The following AQP4 variants were observed in gnomAD, a reference collection of about 807,000 sequenced individuals.
AQP4 encodes aquaporin-4.
AQP4 carries 18 observed loss-of-function variants against 27.8 expected under a neutral mutation model. The ratio of observed to expected loss-of-function variants is 0.65; its 90% CI spans 0.45 to 0.96. The LOEUF is 0.96. AQP4 is among the 40% of genes least tolerant of loss of function. AQP4 has a pLI of 0.00. For missense variants in AQP4, 412 were observed against 408.2 expected (o/e 1.01, Z -0.08); for synonymous variants, 141 against 142.9 (o/e 0.99, Z 0.10).
intron 4 of AQP4, 119 bp downstream of exon 4, chr18:26,860,653 A>G: frequency 1.2e-6 from 1 of 862,602 alleles, no homozygotes; most frequent in Non-Finnish European, 2.0e-6. Flanking sequence ...TAATAAAGTG[A>G]GGGTCAAGGT....
Position 26,853,019 on chromosome 18 carries a change from A to T in AQP4, c.*3192T>A, listed in dbSNP as rs1346333735. ...CTGTCATTATCGAGTTTAAACCAAT[A>T]CATGTGTTGTCTGGTTTCATGGTCT... On this transcript the variant is annotated 3_prime_UTR_variant, in exon 5 of 5. Transcript: ENST00000383168. 2.5e-6 allele frequency: 1 copy of T among 397,050 alleles called. No homozygotes were observed. Among genetic ancestry groups the T allele is most frequent in the Non-Finnish European group, 4.4e-6 (1 of 225,350 alleles). The allele number at this position is 397,050 out of a possible 1,614,324, so 24.6% of individuals were successfully genotyped here. A position where few individuals can be genotyped will look rare whatever the true frequency, so the allele number is the denominator to read the frequency against.
At position 26,856,168 on chromosome 18, in the gene AQP4, A is replaced by T; in HGVS notation, c.*43T>A. The T allele has an allele frequency of 6.2e-7, 1 of 1,609,990 alleles. No homozygotes were observed. Among genetic ancestry groups the T allele is most frequent in the Non-Finnish European group, 8.5e-7 (1 of 1,176,358 alleles). ...TTAATGGGTGGAAGGAAATCTGAGG[A>T]CAGTTCTAAGGAGTCTTGTCTGCTT... On this transcript the variant is annotated 3_prime_UTR_variant, in exon 5 of 5. Transcript: ENST00000383168.
chr18:26,858,244 G>T (rs1287002489), intron 4 of AQP4, among the ~76,000 whole-genome samples: 2 of 152,036 alleles, frequency 1.3e-5, no homozygotes, highest in Admixed American at 1.3e-4. Flanking sequence ...CTCTACTCCA[G>T]CCTGGGCAAC....
At chr18:26,858,182 G>A (rs1159952070) in intron 4 of AQP4, among the ~76,000 whole-genome samples, 1 of 152,052 alleles carries the variant, frequency 6.6e-6, no homozygotes, top group African/African-American at 2.4e-5. Context: ...TGAGATAGGA[G>A]GATCACTTGA....
At chr18:26,860,950 C>T (rs2054931093) in intron 3 of AQP4, 98 bp from the exon 4 acceptor site, 1 of 1,401,564 alleles carries the variant, frequency 7.1e-7, no homozygotes, top group Non-Finnish European at 1.0e-6. Flanking sequence ...CTTAGAGGAA[C>T]CTCAAGATAT....
intron 1 of AQP4, chr18:26,862,996 TG>T (rs745810573): frequency 0.039 from 3,578 of 92,708 alleles, 204 homozygotes; most frequent in African/African-American, 0.08. Flanking sequence ...AAGGTGTGCG[TG>T]GGGGGGGGGG....
In AQP4 at chr18:26,862,493, G is replaced by A. The variant is rs768884671; in HGVS notation, c.136C>T (p.Leu46Phe). The A allele has an allele frequency of 8.1e-6, 13 of 1,614,178 alleles. No homozygotes were observed. Among genetic ancestry groups the A allele is most frequent in the Non-Finnish European group, 1.1e-5 (13 of 1,180,030 alleles). ...KAVTAEFLAM[L>F]IFVLLSLGST... The stretch of plus-strand genomic sequence containing the variant: ...CCCAGGCTGAGGAGAACAAAAATAA[G>A]CATGGCCAGAAATTCCGCTGTGACT... Residue 46 changes from leucine (L) to phenylalanine (F), a missense_variant, in exon 2 of 5, where the codon CTT becomes TTT. By Grantham distance (22) the Leu-to-Phe change is conservative (BLOSUM62 0). Coordinates refer to ENST00000383168, the MANE Select transcript of AQP4 (RefSeq NM_001650.7).
chr18:26,861,035 T>C (rs2054932163), intron 3 of AQP4, 96 bp downstream of exon 3: 1 of 1,492,660 alleles, frequency 6.7e-7, no homozygotes, highest in South Asian at 1.1e-5. Flanking sequence ...GGCTGGATAC[T>C]AAAGAGCTAC....
In AQP4 at chr18:26,855,969, G is replaced by T; in HGVS notation, c.*242C>A. The stretch of plus-strand genomic sequence containing the variant: ...TAATGAAAGGTAACTAGATAAAATA[G>T]GTATATATTTGCTTAAGAACATTTT... On this transcript the variant is annotated 3_prime_UTR_variant, in exon 5 of 5. Transcript: ENST00000383168. 1 of 512,196 alleles carries T rather than the reference G, an allele frequency of 2.0e-6. No homozygotes were observed. Among genetic ancestry groups the T allele is most frequent in the Non-Finnish European group, 3.5e-6 (1 of 289,242 alleles). 31.7% of individuals were successfully genotyped at this position (512,196 alleles called of 1,614,324 possible).
At chr18:26,865,305 A>G in intron 1 of AQP4, 1 of 403,052 alleles carries the variant, frequency 2.5e-6, no homozygotes, top group Middle Eastern at 7.8e-4. Context: ...AATCGGACAC[A>G]TTACTTTCTA....
intron 2 of AQP4, among the ~76,000 whole-genome samples, chr18:26,861,850 T>C (rs1267116794): frequency 6.6e-6 from 1 of 152,114 alleles, no homozygotes; most frequent in African/African-American, 2.4e-5. Context: ...AGTTTTTTTC[T>C]GCTAGTGAAC....
chr18:26,861,160 A>G lies in AQP4; in HGVS notation c.583T>C (p.Phe195Leu). The G allele has an allele frequency of 1.2e-6, 2 of 1,614,152 alleles. No individual in the cohort carries two copies. The highest frequency in any genetic ancestry group is 8.5e-7 in the Non-Finnish European group (1 of 1,179,986). Residue 195 changes from phenylalanine to leucine, a missense_variant, in exon 3 of 5, where the codon TTT becomes CTT. Phe to Leu is a conservative substitution (Grantham distance 22). Coordinates refer to ENST00000383168, the MANE Select transcript of AQP4 (RefSeq NM_001650.7). ...VTGSIALAIGFSVAIGHLFAI... is the reference protein window; with the variant it reads ...VTGSIALAIGLSVAIGHLFAI... ...AATAAATGTCCAATTGCAACAGAAA[A>G]TCCAATTGCTAAAGCTATTGAGCCA...
chr18:26,862,995 G>GTT (rs1264961223), intron 1 of AQP4: 1 of 120,762 alleles, frequency 8.3e-6, no homozygotes. Context: ...CAAGGTGTGC[G>GTT]TGGGGGGGGG....
chr18:26,865,290 T>C, intron 1 of AQP4: 1 of 367,584 alleles, frequency 2.7e-6, no homozygotes, highest in South Asian at 2.5e-5. Context: ...TTTGTTGATG[T>C]ACTGAATCGG....
chr18:26,856,564 T>G lies in AQP4; in HGVS notation c.694-75A>C, dbSNP rs893912425. The G allele has an allele frequency of 2.0e-6, 3 of 1,529,156 alleles. No homozygotes were observed. The Admixed American group carries it at 5.2e-5, about 26-fold the overall frequency. 94.7% of individuals were successfully genotyped at this position (1,529,156 alleles called of 1,614,324 possible). On this transcript the variant is annotated intron_variant, in intron 4 of 4. Coordinates refer to ENST00000383168, the MANE Select transcript of AQP4 (RefSeq NM_001650.7). ...CATTGAGCAGCTCATGAATGTAGAA[T>G]CTAGCTGGGTTAAATTAAGAGTGTA... is the stretch of plus-strand genomic sequence containing the variant.
At position 26,862,549 on chromosome 18, in the gene AQP4, T is replaced by C. The variant is rs141793428; in HGVS notation, c.80A>G (p.Lys27Arg). ...CTRENIMVAF[K>R]GVWTQAFWKA... Reference sequence around the variant, plus strand: ...CCAGAAAGCTTGAGTCCAGACCCCTTTGAAAGCCACCATGATGTTCTCTCT... The same window carrying C: ...CCAGAAAGCTTGAGTCCAGACCCCTCTGAAAGCCACCATGATGTTCTCTCT... The change falls in exon 2 of 5, where the codon AAA (lysine) becomes AGA (arginine). Residue 27 changes from lysine (K) to arginine (R), a missense_variant. By Grantham distance (26) the Lys-to-Arg change is conservative. Transcript: ENST00000383168. The C allele has an allele frequency of 8.7e-6, 14 of 1,613,976 alleles. No homozygotes were observed. In the African/African-American group the frequency reaches 1.7e-4, roughly 20 times the overall value.
In AQP4 at chr18:26,854,289, C is replaced by T. The variant is rs1215082287; in HGVS notation, c.*1922G>A. 6.6e-6 allele frequency: 1 copy of T among 152,228 alleles called. No individual in the cohort carries two copies. Among genetic ancestry groups the T allele is most frequent in the African/African-American group, 2.4e-5 (1 of 41,460 alleles). 9.4% of individuals were successfully genotyped at this position (152,228 alleles called of 1,614,324 possible). A position where few individuals can be genotyped will look rare whatever the true frequency, so the allele number is the denominator to read the frequency against. On this transcript the variant is annotated 3_prime_UTR_variant, in exon 5 of 5. Coordinates refer to ENST00000383168, the MANE Select transcript of AQP4 (RefSeq NM_001650.7). ...ACTTATTTTTAAACTGACATGTTTG[C>T]TGACGGTTGATATTACCTTTTGAAC... is the stretch of plus-strand genomic sequence containing the variant.
At position 26,862,332 on chromosome 18, in the gene AQP4, T is replaced by C; in HGVS notation, c.297A>G (p.Ala99=). 3 of 1,614,178 alleles carry C rather than the reference T, an allele frequency of 1.9e-6. No individual in the cohort carries two copies. The highest frequency in any genetic ancestry group is 2.5e-6 in the Non-Finnish European group (3 of 1,180,024). ...GHISGGHINP[A]VTVAMVCTRK... ...TGGTGCACACCATGGCCACAGTCAC[T>C]GCAGGGTTGATGTGGCCACCGCTGA... Residue 99 remains alanine, a synonymous_variant, in exon 2 of 5, where the codon GCA becomes GCG. Coordinates refer to ENST00000383168, the MANE Select transcript of AQP4 (RefSeq NM_001650.7).
chr18:26,855,846 C>A lies in AQP4; in HGVS notation c.*365G>T. ...ATATTCAAATAAGAATTGACTATAC[C>A]AATATTCCAGTAGAGAAGGAATAAG... On this transcript the variant is annotated 3_prime_UTR_variant, in exon 5 of 5. Coordinates refer to ENST00000383168, the MANE Select transcript of AQP4 (RefSeq NM_001650.7). The A allele has an allele frequency of 2.4e-5, 7 of 292,344 alleles. No homozygotes were observed. The highest frequency in any genetic ancestry group is 1.1e-4 in the South Asian group (3 of 28,352). 18.1% of individuals were successfully genotyped at this position (292,344 alleles called of 1,614,324 possible).
Sources: allele counts gnomAD v4.1 joint callset (sites outside exome capture counted in the v4.1 genomes callset), GRCh38; gene constraint gnomAD v4.1.1; transcripts MANE v1.5; gene names NCBI Gene and HGNC (gene_info 2026-07-23, HGNC 2026-07-21).